RLIM: variants seen among roughly 807,000 people sequenced by gnomAD.
RLIM encodes the protein E3 ubiquitin-protein ligase RLIM.
In RLIM, 2 loss-of-function variants were observed where a neutral mutation model predicts 34.0. The ratio of observed to expected loss-of-function variants is 0.06; its 90% CI spans 0.02 to 0.19. The LOEUF (loss-of-function observed/expected upper bound fraction) is 0.19, where lower values mean the gene tolerates loss of function less well. Among genes scored for constraint, RLIM ranks in the 10% least tolerant of loss-of-function variants. The pLI, the probability that RLIM is intolerant of heterozygous loss-of-function variation, is 1.00. For synonymous variants in RLIM, 169 were observed against 164.0 expected (o/e 1.03, Z -0.23); for missense variants, 286 against 479.7 (o/e 0.60, Z 3.77).
intron 1 of RLIM, among the ~76,000 whole-genome samples, chrX:74,609,434 G>A (rs915652475): frequency 1.1e-5 from 1 of 91,678 alleles, no homozygotes; most frequent in East Asian, 3.5e-4. Context: ...CTTGCAGTGA[G>A]CCGAGATCGC....
chrX:74,597,663 G>A (rs964835032), intron 1 of RLIM, among the ~76,000 whole-genome samples: 3 of 111,975 alleles, frequency 2.7e-5, no homozygotes, highest in South Asian at 3.6e-4. Context: ...GGTATTTAAC[G>A]TTTATGGTTA....
intron 1 of RLIM, among the ~76,000 whole-genome samples, chrX:74,603,952 T>C (rs1001997797): frequency 9.1e-6 from 1 of 109,739 alleles, no homozygotes; most frequent in Admixed American, 9.8e-5. Context: ...CTACTAAAAA[T>C]ACAAAAATTA....
rs139400227 is a variant in RLIM at position 74,594,319 on chromosome X, T to G, written c.240A>C (p.Ser80=). 2,423 of 1,203,489 alleles carry G rather than the reference T, an allele frequency of 2.0e-3. 30 individuals are homozygous for G. In the African/African-American group the frequency reaches 0.034, roughly 17 times the overall value. Residue 80 remains serine (S), a synonymous_variant, in exon 3 of 4, where the codon TCA becomes TCC. Transcript: ENST00000332687. ...QIKEGPPPQN[S]DENRGGDSSD... is the part of the protein sequence containing the mutation. Reference sequence around the variant, plus strand: ...ACCAAAACATACCTCTATTTTCATCTGAGTTTTGCGGTGGTGGGCCTTCTT... The same window carrying G: ...ACCAAAACATACCTCTATTTTCATCGGAGTTTTGCGGTGGTGGGCCTTCTT...
In RLIM at chrX:74,595,850, T is replaced by A; in HGVS notation, c.128A>T (p.Asp43Val). 8.3e-7 allele frequency: 1 copy of A among 1,206,603 alleles called. No individual in the cohort carries two copies. Among genetic ancestry groups the A allele is most frequent in the Non-Finnish European group, 1.1e-6 (1 of 891,586 alleles). Reference sequence around the variant, plus strand: ...ATTGTTATCTCTCATAAGCCTATAATCTTCTTCACTCAGGTTATTTACAAA... The same window carrying A: ...ATTGTTATCTCTCATAAGCCTATAAACTTCTTCACTCAGGTTATTTACAAA... ...YQFVNNLSEE[D>V]YRLMRDNNLL... The change falls in exon 2 of 4, where the codon GAT becomes GTT. Residue 43 changes from aspartate (D) to valine (V), a missense_variant. Transcript: ENST00000332687.
chrX:74,592,881 C>A lies in RLIM; in HGVS notation c.434G>T (p.Arg145Leu). ...CTCTGAATTTTGGCTCCCATTATTA[C>A]GGTTAACATTTATCTCTAAACTGAA... Reference protein sequence around the residue: ...FRFSLEINVNRNNGSQNSENE... With the variant: ...FRFSLEINVNLNNGSQNSENE... The change falls in exon 4 of 4, where the codon CGT (arginine) becomes CTT (leucine). Residue 145 changes from arginine (R) to leucine (L), a missense_variant. Arg to Leu is a moderately radical substitution (Grantham distance 102). Around this residue, in one of 6 missense-constraint regions of RLIM, gnomAD observed 121 missense variants for 182.4 expected, o/e 0.66. Coordinates refer to ENST00000332687, the MANE Select transcript of RLIM (RefSeq NM_016120.4). 8.3e-7 allele frequency: 1 copy of A among 1,211,365 alleles called. No individual in the cohort carries two copies. Among genetic ancestry groups the A allele is most frequent in the East Asian group, 3.0e-5 (1 of 33,857 alleles).
At chrX:74,595,700 AAAT>A in intron 2 of RLIM, 106 bp downstream of exon 2, 3 of 524,845 alleles carry the variant, frequency 5.7e-6, no homozygotes, top group Non-Finnish European at 9.0e-6. Flanking sequence ...CCCCTATGTT[AAAT>A]AATATTTCAT....
chrX:74,595,083 G>C (rs1300336239), intron 2 of RLIM, among the ~76,000 whole-genome samples: 4 of 110,603 alleles, frequency 3.6e-5, no homozygotes, highest in African/African-American at 1.3e-4. Context: ...AGCTTTGAGA[G>C]GAGGATATTG....
rs1021358691 is a variant in RLIM, at chrX:74,590,986, T to C, written c.*454A>G. 1.6e-5 allele frequency: 2 copies of C among 125,885 alleles called. No individual in the cohort carries two copies. The highest frequency in any genetic ancestry group is 2.2e-4 in the East Asian group (1 of 4,558). The allele number at this position is 125,885 out of a possible 1,213,427, so 10.4% of individuals were successfully genotyped here. The stretch of plus-strand genomic sequence containing the variant: ...AACAATACTCAGAATGTGGCTGAAT[T>C]TGTGTTAACTAATAACTGGGAATGA... On this transcript the variant is annotated 3_prime_UTR_variant, in exon 4 of 4. Coordinates refer to ENST00000332687, the MANE Select transcript of RLIM (RefSeq NM_016120.4).
At chrX:74,606,052 A>G (rs183520481) in intron 1 of RLIM, among the ~76,000 whole-genome samples, 1 of 112,261 alleles carries the variant, frequency 8.9e-6, no homozygotes, top group African/African-American at 3.2e-5. Context: ...AGGTATGACT[A>G]AACTATTCAA....
intron 1 of RLIM, among the ~76,000 whole-genome samples, chrX:74,613,993 T>C (rs970370633): frequency 9.1e-6 from 1 of 109,877 alleles, no homozygotes; most frequent in Non-Finnish European, 1.9e-5. Context: ...GATTTTTTAC[T>C]TCCCTTTTCC....
At position 74,591,876 on chromosome X, in the gene RLIM, C is replaced by A. The variant is rs1569309581; in HGVS notation, c.1439G>T (p.Ser480Ile). The change falls in exon 4 of 4, where the codon AGT becomes ATT. Residue 480 changes from serine (S) to isoleucine (I), a missense_variant. Coordinates refer to ENST00000332687, the MANE Select transcript of RLIM (RefSeq NM_016120.4). Reference protein sequence around the residue: ...SSSSSSSPSSSSGGESSETSS... With the variant: ...SSSSSSSPSSISGGESSETSS... ...AGTTTCTGAACTTTCACCACCGGAA[C>A]TGGAACTAGGACTGGAACTGGAACT... is the stretch of plus-strand genomic sequence containing the variant. 1 of 1,211,426 alleles carries A rather than the reference C, an allele frequency of 8.3e-7. No individual in the cohort carries two copies. The highest frequency in any genetic ancestry group is 1.1e-6 in the Non-Finnish European group (1 of 895,267).
intron 2 of RLIM, among the ~76,000 whole-genome samples, chrX:74,594,641 G>C (rs1011829276): frequency 9.0e-6 from 1 of 111,655 alleles, no homozygotes; most frequent in Non-Finnish European, 1.9e-5. Flanking sequence ...GCTCACGCCT[G>C]TACTCCCAGC....
At chrX:74,609,808 A>G (rs969818075) in intron 1 of RLIM, among the ~76,000 whole-genome samples, 3 of 111,660 alleles carry the variant, frequency 2.7e-5, no homozygotes, top group Non-Finnish European at 3.8e-5. Context: ...TAAAGGGATC[A>G]TTGGTCAATA....
At chrX:74,602,569 T>TA (rs1021016410) in intron 1 of RLIM, among the ~76,000 whole-genome samples, 32 of 110,561 alleles carry the variant, frequency 2.9e-4, no homozygotes, top group Admixed American at 6.8e-4. Flanking sequence ...CCGTCTCTAC[T>TA]AAAAAAAATA....
In RLIM at chrX:74,588,047, T is replaced by A. The variant is rs1014113176; in HGVS notation, c.*3393A>T. 1 of 112,735 alleles carries A rather than the reference T, an allele frequency of 8.9e-6. No homozygotes were observed. Among genetic ancestry groups the A allele is most frequent in the African/African-American group, 3.2e-5 (1 of 30,992 alleles). The allele number at this position is 112,735 out of a possible 1,213,427, so 9.3% of individuals were successfully genotyped here. A position where few individuals can be genotyped will look rare whatever the true frequency, so the allele number is the denominator to read the frequency against. On this transcript the variant is annotated 3_prime_UTR_variant, in exon 4 of 4. Coordinates refer to ENST00000332687, the MANE Select transcript of RLIM (RefSeq NM_016120.4). ...CCCACCTCCATTAACACCATTAAGG[T>A]GTAACTAACATGTTCTTTTCAGAGC...
intron 1 of RLIM, 72 bp downstream of exon 1, chrX:74,614,350 C>T (rs2079728060): frequency 8.9e-6 from 1 of 112,682 alleles, no homozygotes; most frequent in Non-Finnish European, 1.9e-5. Flanking sequence ...TGAGAGAACG[C>T]GGCAGCCGCG....
chrX:74,606,099 G>C (rs1024463415), intron 1 of RLIM, among the ~76,000 whole-genome samples: 2 of 112,329 alleles, frequency 1.8e-5, no homozygotes, highest in African/African-American at 6.5e-5. Flanking sequence ...CTCCCTGTAT[G>C]AAAAATTCCA....
At chrX:74,612,392 G>A (rs746208589) in intron 1 of RLIM, among the ~76,000 whole-genome samples, 29 of 111,070 alleles carry the variant, frequency 2.6e-4, no homozygotes, top group Non-Finnish European at 5.3e-4. Flanking sequence ...TGAGTTCCAG[G>A]TATCCAGAAA....
At chrX:74,611,854 T>C (rs1000702180) in intron 1 of RLIM, among the ~76,000 whole-genome samples, 13 of 112,125 alleles carry the variant, frequency 1.2e-4, no homozygotes, top group African/African-American at 3.9e-4. Flanking sequence ...AAAGTTAACA[T>C]TCTCATGAGG....
Sources: gnomAD v4.1 joint callset for allele counts (sites outside exome capture counted in the v4.1 genomes callset) on GRCh38, gnomAD v4.1.1 for gene constraint, gnomAD v4.1.1 regional missense constraint, MANE v1.5 for transcripts, NCBI Gene and HGNC (gene_info 2026-07-23, HGNC 2026-07-21) for gene names.